The following CCDC34 variants were observed in gnomAD, a reference collection of about 807,000 sequenced individuals.
CCDC34 encodes the protein coiled-coil domain containing 34.
A neutral mutation model predicts 44.1 loss-of-function variants in CCDC34; 40 were observed. The ratio of observed to expected loss-of-function variants is 0.91; its 90% CI spans 0.70 to 1.18. The LOEUF is 1.18. Among genes scored for constraint, CCDC34 ranks in the 50% most tolerant of loss-of-function variants. The pLI, the probability that CCDC34 is intolerant of heterozygous loss-of-function variation, is 0.00. For synonymous variants in CCDC34, 159 were observed against 158.2 expected, an observed-to-expected ratio of 1.01 and a Z score of -0.04; for missense variants, 466 against 452.3, an observed-to-expected ratio of 1.03 and a Z score of -0.28.
rs953795326 is a variant in CCDC34 at position 27,344,395 on chromosome 11, A to G, written c.607-2845T>C. On this transcript the variant is annotated intron_variant, in intron 3 of 5. Coordinates refer to ENST00000328697, the MANE Select transcript of CCDC34 (RefSeq NM_030771.2). Reference sequence around the variant, plus strand: ...CATGTTATAAACACATGCATGCTGCATGTTACAAACATGTATGCTATATAT... The same window carrying G: ...CATGTTATAAACACATGCATGCTGCGTGTTACAAACATGTATGCTATATAT... 1.4e-4 allele frequency among the ~76,000 whole-genome samples: 22 copies of G among 152,228 alleles called. No individual in the cohort carries two copies. The Middle Eastern group carries it at 0.014, about 94-fold the overall frequency.
At chr11:27,358,403 A>C (rs1284948963) in intron 1 of CCDC34, among the ~76,000 whole-genome samples, 2 of 152,194 alleles carry the variant, frequency 1.3e-5, no homozygotes, top group Admixed American at 6.5e-5. Flanking sequence ...AGCTCTAAAG[A>C]CTAGTTTATT....
At chr11:27,342,291 CTATATA>C (rs34284661) in intron 3 of CCDC34, among the ~76,000 whole-genome samples, 11,843 of 138,964 alleles carry the variant, frequency 0.085, 633 homozygotes, top group African/African-American at 0.15. Flanking sequence ...AAAACAGGGG[CTATATA>C]TATATATATA....
chr11:27,354,140 T>C (rs148075256), intron 2 of CCDC34, among the ~76,000 whole-genome samples: 1 of 152,340 alleles, frequency 6.6e-6, no homozygotes, highest in East Asian at 1.9e-4. Context: ...AGTTGGCCTA[T>C]ATGTTAGGAT....
chr11:27,351,823 G>C (rs1862506106), intron 2 of CCDC34, among the ~76,000 whole-genome samples: 6 of 152,170 alleles, frequency 3.9e-5, no homozygotes, highest in Admixed American at 3.9e-4. Context: ...CACCATACAA[G>C]GAACAGTGAA....
intron 5 of CCDC34, among the ~76,000 whole-genome samples, chr11:27,339,255 T>G (rs762197999): frequency 1.3e-5 from 2 of 152,140 alleles, no homozygotes; most frequent in Non-Finnish European, 2.9e-5. Flanking sequence ...TAAATGATAA[T>G]TCTAAGAATC....
At chr11:27,343,401 C>CAAAAAAAAAAAA (rs34004808) in intron 3 of CCDC34, among the ~76,000 whole-genome samples, 34 of 110,712 alleles carry the variant, frequency 3.1e-4, no homozygotes, top group African/African-American at 1.2e-3. Flanking sequence ...GACTCCGTCT[C>CAAAAAAAAAAAA]AAAAAAAAAA....
intron 3 of CCDC34, among the ~76,000 whole-genome samples, chr11:27,345,158 G>A (rs781491948): frequency 5.9e-4 from 90 of 152,238 alleles, no homozygotes; most frequent in Middle Eastern, 6.8e-3. Flanking sequence ...AATCTTGACC[G>A]TTAATGCATA....
chr11:27,354,913 C>G (rs978411270), intron 2 of CCDC34, among the ~76,000 whole-genome samples: 1 of 152,106 alleles, frequency 6.6e-6, no homozygotes, highest in Non-Finnish European at 1.5e-5. Context: ...ACTATTGTCT[C>G]TCTAACATCT....
intron 3 of CCDC34, chr11:27,349,232 G>A (rs1214260880): frequency 8.4e-6 from 8 of 948,372 alleles, no homozygotes; most frequent in Non-Finnish European, 1.0e-5. Flanking sequence ...TTTTATAACA[G>A]TCACAGAGAT....
chr11:27,348,968 CA>C, intron 3 of CCDC34: 1 of 984,870 alleles, frequency 1.0e-6, no homozygotes, highest in Non-Finnish European at 1.2e-6. Context: ...CACTTCCCTC[CA>C]AAAGAAATAA....
intron 3 of CCDC34, among the ~76,000 whole-genome samples, chr11:27,348,438 C>A (rs890136943): frequency 5.3e-5 from 8 of 152,112 alleles, no homozygotes; most frequent in African/African-American, 9.6e-5. Context: ...TAAACACATC[C>A]AGAAAATAAA....
At chr11:27,353,253 C>G (rs1369909848) in intron 2 of CCDC34, among the ~76,000 whole-genome samples, 3 of 151,780 alleles carry the variant, frequency 2.0e-5, no homozygotes, top group Admixed American at 6.6e-5. Flanking sequence ...ATATCCTGCC[C>G]TATTCGTTCG....
intron 1 of CCDC34, 63 bp downstream of exon 1, chr11:27,362,773 G>A (rs1862685513): frequency 5.8e-6 from 9 of 1,538,638 alleles, no homozygotes; most frequent in Admixed American, 3.7e-5. Context: ...TTAGAAGGGG[G>A]TACTTAAGAG....
chr11:27,342,349 G>GTA (rs4032238), intron 3 of CCDC34, among the ~76,000 whole-genome samples: 40,071 of 143,640 alleles, frequency 0.28, 6,082 homozygotes, highest in Non-Finnish European at 0.36. Flanking sequence ...ATAAATATAT[G>GTA]TATATATATG....
chr11:27,339,119 T>A, intron 5 of CCDC34, 84 bp from the exon 6 acceptor site: 2 of 967,072 alleles, frequency 2.1e-6, no homozygotes, highest in Non-Finnish European at 3.1e-6. Context: ...AGAAAAATGT[T>A]AAAATGTCAA....
chr11:27,360,981 AG>A (rs1200051462), intron 1 of CCDC34, among the ~76,000 whole-genome samples: 3 of 152,222 alleles, frequency 2.0e-5, no homozygotes, highest in Non-Finnish European at 4.4e-5. Flanking sequence ...CTTTCCTGAA[AG>A]GAAGTGCTAA....
chr11:27,355,464 G>A (rs2133347944), intron 2 of CCDC34, among the ~76,000 whole-genome samples: 1 of 152,112 alleles, frequency 6.6e-6, no homozygotes, highest in African/African-American at 2.4e-5. Context: ...GTAAGTCTGG[G>A]AATTCAAAAA....
chr11:27,355,073 C>G (rs1325925978), intron 2 of CCDC34, among the ~76,000 whole-genome samples: 1 of 152,108 alleles, frequency 6.6e-6, no homozygotes, highest in African/African-American at 2.4e-5. Flanking sequence ...ATTAACTTCT[C>G]TCTGTACACT....
chr11:27,347,770 A>G (rs769999540), intron 3 of CCDC34, among the ~76,000 whole-genome samples: 2 of 152,084 alleles, frequency 1.3e-5, no homozygotes, highest in Non-Finnish European at 2.9e-5. Flanking sequence ...GGCAAAAGGA[A>G]ACTCTCTGGG....
Sources: gnomAD v4.1 joint callset for allele counts (sites outside exome capture counted in the v4.1 genomes callset) on GRCh38, gnomAD v4.1.1 for gene constraint, MANE v1.5 for transcripts, NCBI Gene and HGNC (gene_info 2026-07-23, HGNC 2026-07-21) for gene names.